The following MAML3 variants were observed in gnomAD, a reference collection of about 807,000 sequenced individuals.
MAML3 encodes mastermind like transcriptional coactivator 3, also known as mastermind-like protein 3.
Under a neutral mutation model 101.9 loss-of-function variants are expected in MAML3, and 27 were observed. The observed-to-expected ratio is 0.27, with a 90% CI of 0.20 to 0.37. The LOEUF is 0.37. Ranked by LOEUF, MAML3 falls within the 10% of genes least tolerant of loss-of-function variation. The pLI is 1.00. For synonymous variants in MAML3, 501 were observed against 555.9 expected, an observed-to-expected ratio of 0.90 and a Z score of 1.39; for missense variants, 1,316 against 1,444.9, an observed-to-expected ratio of 0.91 and a Z score of 1.45.
chr4:139,984,746 T>C (rs1397203392), intron 1 of MAML3, among the ~76,000 whole-genome samples: 1 of 152,222 alleles, frequency 6.6e-6, no homozygotes, highest in East Asian at 1.9e-4. Context: ...CAGACTTTCT[T>C]TAGTTTTTGC....
rs146598943 is a variant in MAML3, at chr4:139,902,261, A to ACGCGCGCGCG, written c.469-11295_469-11294insCGCGCGCGCG. Among the ~76,000 whole-genome samples, 390 of 70,738 alleles carry ACGCGCGCGCG rather than the reference A, an allele frequency of 5.5e-3. 4 individuals carry two copies. The highest frequency in any genetic ancestry group is 0.012 in the African/African-American group (376 of 32,302). The allele number at this position is 70,738 out of a possible 152,430, so 46.4% of individuals were successfully genotyped here. ...CAGGCGCGCACGCACACGCACACACACGCACACACACACGCACACACACAC... is the reference window on the plus strand; with the variant it reads ...CAGGCGCGCACGCACACGCACACACACGCGCGCGCGCGCACACACACACGCACACACACAC... On this transcript the variant is annotated intron_variant, in intron 1 of 4. Coordinates refer to ENST00000509479, the MANE Select transcript of MAML3 (RefSeq NM_018717.5).
At chr4:139,801,668 G>GTGTGTGTGTGTGTC (rs1553957636) in intron 2 of MAML3, among the ~76,000 whole-genome samples, 58 of 17,202 alleles carry the variant, frequency 3.4e-3, no homozygotes, top group African/African-American at 7.7e-3. Context: ...GTGTGTGTGT[G>GTGTGTGTGTGTGTC]TGTGTGTGTG....
chr4:140,053,327 A>T (rs574314198), intron 1 of MAML3, among the ~76,000 whole-genome samples: 1 of 152,106 alleles, frequency 6.6e-6, no homozygotes, highest in South Asian at 2.1e-4. Context: ...TCCTTCACTG[A>T]CTCAGCATGC....
At chr4:140,130,532 A>C (rs1453313745) in intron 1 of MAML3, among the ~76,000 whole-genome samples, 4 of 152,234 alleles carry the variant, frequency 2.6e-5, no homozygotes, top group Non-Finnish European at 5.9e-5. Flanking sequence ...AACTGATTAA[A>C]ACCTTTTGGA....
rs141871258 is a variant in MAML3 at position 140,101,605 on chromosome 4, T to C, written c.468+51255A>G. Among the ~76,000 whole-genome samples, 119 of 152,272 alleles carry C rather than the reference T, an allele frequency of 7.8e-4. 1 individual carries two copies. In the East Asian group the frequency reaches 0.018, roughly 23 times the overall value. On this transcript the variant is annotated intron_variant, in intron 1 of 4. Transcript: ENST00000509479. Reference sequence around the variant, plus strand: ...TTACCATCCACATCTCTTGTGTATATGAGGAAGAAATGTTTGTGTCTTCAT... The same window carrying C: ...TTACCATCCACATCTCTTGTGTATACGAGGAAGAAATGTTTGTGTCTTCAT...
intron 4 of MAML3, among the ~76,000 whole-genome samples, chr4:139,723,113 G>A (rs6834271): frequency 1.3e-5 from 2 of 152,152 alleles, no homozygotes; most frequent in African/African-American, 2.4e-5. Flanking sequence ...ATATCTATAT[G>A]AGTGCGAAAT....
At chr4:139,868,311 T>C (rs1239038243) in intron 2 of MAML3, among the ~76,000 whole-genome samples, 2 of 152,216 alleles carry the variant, frequency 1.3e-5, no homozygotes, top group Non-Finnish European at 2.9e-5. Flanking sequence ...CTGTTGATAT[T>C]GGATATATAT....
At chr4:139,941,233 C>G (rs1721311827) in intron 1 of MAML3, among the ~76,000 whole-genome samples, 2 of 152,160 alleles carry the variant, frequency 1.3e-5, no homozygotes, top group Non-Finnish European at 2.9e-5. Flanking sequence ...TTTTTACTAT[C>G]TTTGAAAATT....
chr4:139,841,895 C>G (rs1394919942), intron 2 of MAML3, among the ~76,000 whole-genome samples: 2 of 152,330 alleles, frequency 1.3e-5, no homozygotes, highest in East Asian at 1.9e-4. Flanking sequence ...GATGTTCCCT[C>G]TAATAAAGAG....
chr4:139,772,916 TAA>T (rs368411036), intron 2 of MAML3, among the ~76,000 whole-genome samples: 4 of 139,252 alleles, frequency 2.9e-5, no homozygotes, highest in Non-Finnish European at 1.6e-5. Flanking sequence ...CATCTCTACT[TAA>T]AAAAAAAAAA....
At position 139,717,858 on chromosome 4, in the gene MAML3, CTTG is replaced by C. The variant is rs780126912; in HGVS notation, c.*1462_*1464del. 3.3e-5 allele frequency: 5 copies of C among 152,002 alleles called. No individual in the cohort carries two copies. Among genetic ancestry groups the C allele is most frequent in the African/African-American group, 9.7e-5 (4 of 41,364 alleles). 9.4% of individuals were successfully genotyped at this position (152,002 alleles called of 1,614,324 possible). A position where few individuals can be genotyped will look rare whatever the true frequency, so the allele number is the denominator to read the frequency against. ...GGGATTGGGAGGGGAGGCAAGGAGCCTTGTTGATTCCTTCTGACAGATTTCGCT... is the reference window on the plus strand; with the variant it reads ...GGGATTGGGAGGGGAGGCAAGGAGCCTTGATTCCTTCTGACAGATTTCGCT... On this transcript the variant is annotated 3_prime_UTR_variant, in exon 5 of 5. Coordinates refer to ENST00000509479, the MANE Select transcript of MAML3 (RefSeq NM_018717.5).
intron 1 of MAML3, among the ~76,000 whole-genome samples, chr4:139,962,316 T>C (rs190812101): frequency 6.6e-6 from 1 of 152,308 alleles, no homozygotes; most frequent in Admixed American, 6.5e-5. Context: ...AGTTAGAGCA[T>C]AACTAGTTAG....
At chr4:140,098,773 C>G (rs906531638) in intron 1 of MAML3, among the ~76,000 whole-genome samples, 2 of 152,190 alleles carry the variant, frequency 1.3e-5, no homozygotes, top group African/African-American at 4.8e-5. Context: ...CTGGAGCCAC[C>G]CACACCCTGG....
intron 3 of MAML3, among the ~76,000 whole-genome samples, chr4:139,726,428 T>C (rs534364452): frequency 2.2e-4 from 34 of 152,332 alleles, no homozygotes; most frequent in Non-Finnish European, 2.5e-4. Flanking sequence ...AACATCTGTA[T>C]GTATTTCTGA....
At chr4:140,050,124 A>C (rs1727243834) in intron 1 of MAML3, among the ~76,000 whole-genome samples, 1 of 152,164 alleles carries the variant, frequency 6.6e-6, no homozygotes, top group Non-Finnish European at 1.5e-5. Context: ...GCTCATTGCC[A>C]ATAACAACAA....
chr4:139,765,907 A>G (rs1381292593), intron 2 of MAML3, among the ~76,000 whole-genome samples: 1 of 152,124 alleles, frequency 6.6e-6, no homozygotes, highest in East Asian at 1.9e-4. Context: ...GGATTGCTTG[A>G]GCCCAGGAGA....
At chr4:140,069,359 G>GAA (rs1727592239) in intron 1 of MAML3, among the ~76,000 whole-genome samples, 3 of 45,928 alleles carry the variant, frequency 6.5e-5, no homozygotes, top group Admixed American at 2.9e-4. Flanking sequence ...AGAAGGAGAA[G>GAA]GAGAAGAAGA....
chr4:139,743,809 C>T (rs1269625517), intron 2 of MAML3, among the ~76,000 whole-genome samples: 1 of 152,176 alleles, frequency 6.6e-6, no homozygotes, highest in African/African-American at 2.4e-5. Context: ...GTCGACAAGG[C>T]CAATCTTGAT....
Position 140,152,954 on chromosome 4 carries a change from G to C in MAML3, c.374C>G (p.Ser125Trp). Residue 125 changes from serine (S) to tryptophan (W), a missense_variant, in exon 1 of 5, where the codon TCG becomes TGG. Transcript: ENST00000509479. ...QRTLEQRAKKSGAGTGKQQHP... is the reference protein window; with the variant it reads ...QRTLEQRAKKWGAGTGKQQHP... ...CTGCTGTTTGCCGGTGCCGGCGCCC[G>C]ATTTCTTGGCCCTCTGCTCCAGGGT... The C allele has an allele frequency of 6.2e-7, 1 of 1,612,186 alleles. No homozygotes were observed. Among genetic ancestry groups the C allele is most frequent in the Non-Finnish European group, 8.5e-7 (1 of 1,179,320 alleles).
Sources: gnomAD v4.1 joint callset for allele counts (sites outside exome capture counted in the v4.1 genomes callset) on GRCh38, gnomAD v4.1.1 for gene constraint, MANE v1.5 for transcripts, NCBI Gene and HGNC (gene_info 2026-07-23, HGNC 2026-07-21) for gene names.